SLC8A1: variants seen among roughly 807,000 people sequenced by gnomAD.
SLC8A1 encodes solute carrier family 8 member A1.
Under a neutral mutation model 68.3 loss-of-function variants are expected in SLC8A1, and 18 were observed. That is an observed-to-expected ratio of 0.26 (90% CI 0.18 to 0.39). The LOEUF (loss-of-function observed/expected upper bound fraction) is 0.39, where lower values mean the gene tolerates loss of function less well. Among genes scored for constraint, SLC8A1 ranks in the 10% least tolerant of loss-of-function variants. The pLI is 1.00. For synonymous variants in SLC8A1, 475 were observed against 415.5 expected (o/e 1.14, Z -1.74); for missense variants, 985 against 1,156.7 (o/e 0.85, Z 2.15).
At chr2:40,494,267 T>C (rs1705528567) in intron 1 of SLC8A1, among the ~76,000 whole-genome samples, 1 of 152,084 alleles carries the variant, frequency 6.6e-6, no homozygotes, top group Non-Finnish European at 1.5e-5. Context: ...CCCTGTTTAG[T>C]GCAATCATTA....
At chr2:40,495,881 C>A (rs1705662813) in intron 1 of SLC8A1, among the ~76,000 whole-genome samples, 1 of 152,020 alleles carries the variant, frequency 6.6e-6, no homozygotes, top group Admixed American at 6.6e-5. Context: ...TAGGCTTCGT[C>A]ATAAAGAACT....
chr2:40,316,434 AG>A (rs2074457581), intron 2 of SLC8A1, among the ~76,000 whole-genome samples: 1 of 152,078 alleles, frequency 6.6e-6, no homozygotes, highest in Non-Finnish European at 1.5e-5. Flanking sequence ...AACGTCGTAT[AG>A]GAACACAAAA....
Position 40,117,373 on chromosome 2 carries a change from T to C in SLC8A1, c.2438-1744A>G, listed in dbSNP as rs1000352013. 8.6e-5 allele frequency among the ~76,000 whole-genome samples: 10 copies of C among 116,834 alleles called. No homozygotes were observed. In the Admixed American group the frequency reaches 1.2e-3, roughly 13 times the overall value. 76.6% of individuals were successfully genotyped at this position (116,834 alleles called of 152,430 possible). A position where few individuals can be genotyped will look rare whatever the true frequency, so the allele number is the denominator to read the frequency against. On this transcript the variant is annotated intron_variant, in intron 7 of 7. Transcript: ENST00000406785. ...CAGTTTGGCCAACATGGTGAAACCC[T>C]GTCTATATACTAAAAATACAAAAAA... is the stretch of plus-strand genomic sequence containing the variant.
At chr2:40,316,819 G>A (rs2074516434) in intron 2 of SLC8A1, among the ~76,000 whole-genome samples, 1 of 151,960 alleles carries the variant, frequency 6.6e-6, no homozygotes, top group Admixed American at 6.6e-5. Context: ...CAGCATCTCA[G>A]AGTGCCCAAC....
chr2:40,388,671 T>A (rs1262137024), intron 2 of SLC8A1, among the ~76,000 whole-genome samples: 1 of 152,198 alleles, frequency 6.6e-6, no homozygotes, highest in Non-Finnish European at 1.5e-5. Flanking sequence ...AAATTTCCTC[T>A]TTTATTCAGA....
intron 2 of SLC8A1, among the ~76,000 whole-genome samples, chr2:40,188,807 G>A (rs1363127330): frequency 6.6e-6 from 1 of 152,000 alleles, no homozygotes; most frequent in Non-Finnish European, 1.5e-5. Flanking sequence ...CTGTGTCCCT[G>A]GCCACAAAAT....
chr2:40,243,022 T>C (rs1046442584), intron 2 of SLC8A1, among the ~76,000 whole-genome samples: 4 of 152,230 alleles, frequency 2.6e-5, no homozygotes, highest in Non-Finnish European at 5.9e-5. Context: ...CATTCATTCC[T>C]TCACCAAACG....
rs2048133595 is a variant in SLC8A1, at chr2:40,174,573, A to C, written c.1930+252T>G. 19 of 854,620 alleles carry C rather than the reference A, an allele frequency of 2.2e-5. No individual in the cohort carries two copies. In the South Asian group the frequency reaches 3.3e-4, roughly 15 times the overall value. The allele number at this position is 854,620 out of a possible 1,614,324, so 52.9% of individuals were successfully genotyped here. ...CACATTATTAATTTGTAAAACGTTA[A>C]ATGTGTAAAACCAGCAAGAGCACAC... On this transcript the variant is annotated intron_variant, in intron 4 of 7. Coordinates refer to ENST00000406785, the Ensembl canonical transcript of SLC8A1.
At chr2:40,475,555 T>A (rs931987254) in intron 1 of SLC8A1, among the ~76,000 whole-genome samples, 1 of 152,072 alleles carries the variant, frequency 6.6e-6, no homozygotes, top group Non-Finnish European at 1.5e-5. Flanking sequence ...CATTTTTAAA[T>A]AATAATATAC....
In SLC8A1 at chr2:40,428,365, T is replaced by C; in HGVS notation, c.1808+108A>G. 6.4e-6 allele frequency: 9 copies of C among 1,413,724 alleles called. 1 individual carries two copies. In the South Asian group the frequency reaches 1.2e-4, roughly 18 times the overall value. 87.6% of individuals were successfully genotyped at this position (1,413,724 alleles called of 1,614,324 possible). A position where few individuals can be genotyped will look rare whatever the true frequency, so the allele number is the denominator to read the frequency against. On this transcript the variant is annotated intron_variant, in intron 2 of 7. Transcript: ENST00000406785. ...TCTTGTATAAAAGCTATTCCATTCC[T>C]TGCATGCTATTTAATTTAAAAAATG...
intron 2 of SLC8A1, among the ~76,000 whole-genome samples, chr2:40,233,094 A>G (rs1237621914): frequency 2.0e-5 from 3 of 152,158 alleles, no homozygotes; most frequent in African/African-American, 7.2e-5. Flanking sequence ...CATGATTTAT[A>G]GTCCTTTGGG....
intron 2 of SLC8A1, among the ~76,000 whole-genome samples, chr2:40,308,916 A>C (rs1453755550): frequency 1.3e-5 from 2 of 152,136 alleles, no homozygotes; most frequent in Admixed American, 1.3e-4. Flanking sequence ...CCTGGGGAGG[A>C]GTGGAAGAAA....
chr2:40,153,412 A>G (rs538467230), intron 6 of SLC8A1, among the ~76,000 whole-genome samples: 1 of 152,338 alleles, frequency 6.6e-6, no homozygotes, highest in East Asian at 1.9e-4. Flanking sequence ...AAAGATTCCA[A>G]CAAATAAAGA....
At chr2:40,127,728 C>T (rs2038440437) in intron 7 of SLC8A1, among the ~76,000 whole-genome samples, 1 of 152,014 alleles carries the variant, frequency 6.6e-6, no homozygotes, top group Admixed American at 6.5e-5. Flanking sequence ...AGGACTATGC[C>T]AAAAAGTCCC....
intron 2 of SLC8A1, among the ~76,000 whole-genome samples, chr2:40,192,448 T>A (rs368642): frequency 0.12 from 17,685 of 152,052 alleles, 1,165 homozygotes; most frequent in Middle Eastern, 0.2. Context: ...GCAAATACTT[T>A]ATTAAATATT....
chr2:40,479,524 C>A (rs1407192849), intron 1 of SLC8A1, among the ~76,000 whole-genome samples: 1 of 152,052 alleles, frequency 6.6e-6, no homozygotes, highest in Non-Finnish European at 1.5e-5. Flanking sequence ...TCAAGATATT[C>A]TCATTTGGAC....
chr2:40,255,053 C>T (rs1010599488), intron 2 of SLC8A1: 8 of 151,648 alleles, frequency 5.3e-5, no homozygotes, highest in Admixed American at 2.6e-4. Flanking sequence ...TTATTTCTTT[C>T]TCCTTAAATG....
At chr2:40,146,723 T>A (rs1195584675) in intron 6 of SLC8A1, among the ~76,000 whole-genome samples, 2 of 151,998 alleles carry the variant, frequency 1.3e-5, no homozygotes, top group African/African-American at 2.4e-5. Flanking sequence ...CTATTGTACA[T>A]AAAATTTGAG....
intron 1 of SLC8A1, among the ~76,000 whole-genome samples, chr2:40,443,896 A>C (rs564305332): frequency 6.1e-4 from 93 of 152,356 alleles, no homozygotes; most frequent in South Asian, 1.2e-3. Context: ...TCAATATATC[A>C]GCTAGTAGTC....
Sources: gnomAD v4.1 joint callset for allele counts (sites outside exome capture counted in the v4.1 genomes callset) on GRCh38, gnomAD v4.1.1 for gene constraint, MANE v1.5 for transcripts, NCBI Gene and HGNC (gene_info 2026-07-23, HGNC 2026-07-21) for gene names.